The following THSD7B variants were observed in gnomAD, a reference collection of about 807,000 sequenced individuals.
THSD7B encodes thrombospondin type-1 domain-containing protein 7B.
In THSD7B, 138 loss-of-function variants were observed where a neutral mutation model predicts 213.6. That is an observed-to-expected ratio of 0.65 (90% CI 0.56 to 0.74). The LOEUF is 0.74. Ranked by LOEUF, THSD7B falls within the 30% of genes least tolerant of loss-of-function variation. The pLI is 0.00. For missense variants in THSD7B, 1,931 were observed against 1,991.5 expected (o/e 0.97, Z 0.58); for synonymous variants, 742 against 687.0 (o/e 1.08, Z -1.25).
intron 2 of THSD7B, among the ~76,000 whole-genome samples, chr2:136,999,811 C>T (rs1348301982): frequency 6.6e-6 from 1 of 151,974 alleles, no homozygotes; most frequent in African/African-American, 2.4e-5. Flanking sequence ...AGTTGTAAGC[C>T]AATTTATATT....
At chr2:137,299,022 C>G (rs1197549109) in intron 12 of THSD7B, among the ~76,000 whole-genome samples, 3 of 152,136 alleles carry the variant, frequency 2.0e-5, no homozygotes, top group Admixed American at 1.3e-4. Context: ...CTACCGACAG[C>G]TGGCACTATG....
intron 2 of THSD7B, among the ~76,000 whole-genome samples, chr2:136,960,887 A>T (rs1322412070): frequency 4.6e-5 from 7 of 151,840 alleles, no homozygotes. Context: ...CAGGAGATCA[A>T]GACCATCCTG....
intron 15 of THSD7B, among the ~76,000 whole-genome samples, chr2:137,555,260 G>A (rs1044837661): frequency 5.9e-5 from 9 of 152,216 alleles, no homozygotes; most frequent in Non-Finnish European, 1.2e-4. Flanking sequence ...GTGGGTCCCT[G>A]ACCCCCGAGT....
chr2:136,923,742 TC>T (rs1684475819), intron 2 of THSD7B, among the ~76,000 whole-genome samples: 1 of 152,218 alleles, frequency 6.6e-6, no homozygotes, highest in Non-Finnish European at 1.5e-5. Context: ...TGTTGGCTAT[TC>T]ATATGTCTCT....
intron 1 of THSD7B, among the ~76,000 whole-genome samples, chr2:136,863,699 G>A (rs1573675717): frequency 6.6e-6 from 1 of 152,158 alleles, no homozygotes; most frequent in Non-Finnish European, 1.5e-5. Flanking sequence ...TAGGAAGAGG[G>A]TTCCAGCCAC....
chr2:137,471,328 G>A (rs1032518187), intron 15 of THSD7B, among the ~76,000 whole-genome samples: 2 of 152,096 alleles, frequency 1.3e-5, no homozygotes, highest in Non-Finnish European at 2.9e-5. Flanking sequence ...TGTTTAAATT[G>A]TTAAGTTATA....
intron 1 of THSD7B, among the ~76,000 whole-genome samples, chr2:136,769,694 G>A (rs759548603): frequency 4.6e-5 from 7 of 152,024 alleles, no homozygotes; most frequent in Non-Finnish European, 8.8e-5. Flanking sequence ...TGCAATTTAT[G>A]GATTCTAAAA....
chr2:137,430,529 G>A (rs1558794884), intron 14 of THSD7B, among the ~76,000 whole-genome samples: 1 of 152,168 alleles, frequency 6.6e-6, no homozygotes, highest in Non-Finnish European at 1.5e-5. Context: ...CCCAAGGGCT[G>A]CCCCATGGAT....
At chr2:137,428,409 A>G (rs1279846169) in intron 14 of THSD7B, among the ~76,000 whole-genome samples, 2 of 152,220 alleles carry the variant, frequency 1.3e-5, no homozygotes. Context: ...AAAGATAAAC[A>G]TAGAATTACC....
At position 136,927,494 on chromosome 2, in the gene THSD7B, A is replaced by G. The variant is rs532318073; in HGVS notation, c.139+45177A>G. Among the ~76,000 whole-genome samples, 7 of 152,344 alleles carry G rather than the reference A, an allele frequency of 4.6e-5. No individual in the cohort carries two copies. In the South Asian group the frequency reaches 1.4e-3, roughly 32 times the overall value. ...TTTGACATTTAGATAATGTTGTGGA[A>G]TCCTTATGAAATAATTGGCTTCAGG... is the stretch of plus-strand genomic sequence containing the variant. On this transcript the variant is annotated intron_variant, in intron 2 of 27. Transcript: ENST00000409968.
chr2:137,378,057 T>C (rs1391621489), intron 12 of THSD7B, among the ~76,000 whole-genome samples: 2 of 152,170 alleles, frequency 1.3e-5, no homozygotes, highest in Non-Finnish European at 2.9e-5. Flanking sequence ...ATTGAATTAT[T>C]TTTAATGGAA....
intron 12 of THSD7B, among the ~76,000 whole-genome samples, chr2:137,316,619 G>A (rs56400109): frequency 0.12 from 18,239 of 151,990 alleles, 1,503 homozygotes; most frequent in Non-Finnish European, 0.18. Flanking sequence ...AAAGCCAGGC[G>A]CGGTGGTGGG....
At chr2:137,562,076 C>G (rs1681130576) in intron 15 of THSD7B, among the ~76,000 whole-genome samples, 1 of 152,100 alleles carries the variant, frequency 6.6e-6, no homozygotes, top group Non-Finnish European at 1.5e-5. Flanking sequence ...GTGCTCCAAT[C>G]TTGTTTCTTG....
chr2:137,582,807 C>T (rs933163213), intron 17 of THSD7B, among the ~76,000 whole-genome samples: 3 of 152,158 alleles, frequency 2.0e-5, no homozygotes, highest in African/African-American at 7.2e-5. Context: ...CATACGTGTG[C>T]ATGTGTCTTT....
intron 1 of THSD7B, among the ~76,000 whole-genome samples, chr2:136,847,696 G>A (rs555169051): frequency 2.6e-5 from 4 of 152,156 alleles, no homozygotes; most frequent in African/African-American, 2.4e-5. Context: ...TTCTGTCAGC[G>A]CCCACCAAGG....
rs117474505 is a variant in THSD7B, at chr2:136,828,022, G to A, written c.-35-54122G>A. On this transcript the variant is annotated intron_variant, in intron 1 of 27. Transcript: ENST00000409968. Reference sequence around the variant, plus strand: ...TGGGATATAACCTATGGGCTCCTGTGTTGATAACATAGGAGCCATGAAGAT... The same window carrying A: ...TGGGATATAACCTATGGGCTCCTGTATTGATAACATAGGAGCCATGAAGAT... Among the ~76,000 whole-genome samples, 551 of 152,080 alleles carry A rather than the reference G, an allele frequency of 3.6e-3. 23 individuals are homozygous for A. The East Asian group carries it at 0.078, about 22-fold the overall frequency.
chr2:137,386,468 AG>A (rs112630428), intron 12 of THSD7B, among the ~76,000 whole-genome samples: 4,792 of 152,258 alleles, frequency 0.031, 273 homozygotes, highest in African/African-American at 0.11. Flanking sequence ...CTTTATAGGT[AG>A]AGGCCCTCAA....
chr2:136,956,024 C>T (rs1685117866), intron 2 of THSD7B, among the ~76,000 whole-genome samples: 1 of 119,536 alleles, frequency 8.4e-6, no homozygotes. Context: ...GAGACTCCGT[C>T]TCAAAAAAAA....
At position 136,861,555 on chromosome 2, in the gene THSD7B, G is replaced by A. The variant is rs1395305301; in HGVS notation, c.-35-20589G>A. 2.0e-5 allele frequency among the ~76,000 whole-genome samples: 3 copies of A among 152,178 alleles called. No individual in the cohort carries two copies. In the East Asian group the frequency reaches 5.8e-4, roughly 29 times the overall value. Reference sequence around the variant, plus strand: ...ATGCCAGGACTGGGTGAAGACTTGAGTTTTGTTTTCCCATGAATCTGGTTT... The same window carrying A: ...ATGCCAGGACTGGGTGAAGACTTGAATTTTGTTTTCCCATGAATCTGGTTT... On this transcript the variant is annotated intron_variant, in intron 1 of 27. Transcript: ENST00000409968.
Sources: allele counts gnomAD v4.1 joint callset (sites outside exome capture counted in the v4.1 genomes callset), GRCh38; gene constraint gnomAD v4.1.1; transcripts MANE v1.5; gene names NCBI Gene and HGNC (gene_info 2026-07-23, HGNC 2026-07-21).